The following ARHGAP40 variants were observed in gnomAD, a reference collection of about 807,000 sequenced individuals.
ARHGAP40 encodes the protein rho GTPase-activating protein 40.
In ARHGAP40, 43 loss-of-function variants were observed where a neutral mutation model predicts 73.5. That is an observed-to-expected ratio of 0.58 (90% CI 0.46 to 0.75). The LOEUF is 0.75. ARHGAP40 is among the 30% of genes least tolerant of loss of function. The pLI is 0.00. For missense variants in ARHGAP40, 734 were observed against 861.8 expected (o/e 0.85, Z 1.86); for synonymous variants, 300 against 352.8 (o/e 0.85, Z 1.68).
chr20:38,650,536 T>C, exon 15 of ARHGAP40: 1 of 466,310 alleles, frequency 2.1e-6, no homozygotes, highest in Non-Finnish European at 4.5e-6. Context: ...AGAGGAAGAC[T>C]TTGCTTCACA....
At chr20:38,601,943 A>G (rs574568030) in exon 1 of ARHGAP40, 1 of 1,287,808 alleles carries the variant, frequency 7.8e-7, no homozygotes, top group East Asian at 5.6e-5. Context: ...GTGCCAGCCC[A>G]TGGCCGAGCC....
At chr20:38,647,441 A>G (rs1277405286) in intron 13 of ARHGAP40, among the ~76,000 whole-genome samples, 2 of 152,092 alleles carry the variant, frequency 1.3e-5, no homozygotes, top group African/African-American at 4.8e-5. Context: ...CCCAGGCTGG[A>G]GTGCAGTGGC....
intron 1 of ARHGAP40, chr20:38,615,227 G>C (rs1601135621): frequency 1.3e-6 from 1 of 776,366 alleles, no homozygotes; most frequent in African/African-American, 1.7e-5. Context: ...AGGTAAAAAA[G>C]TTTCTTCCTT....
At chr20:38,630,082 T>TTTTCTTTC (rs1555792070) in intron 5 of ARHGAP40, among the ~76,000 whole-genome samples, 1 of 90,668 alleles carries the variant, frequency 1.1e-5, no homozygotes, top group South Asian at 3.7e-4. Context: ...CTTTCTTTCT[T>TTTTCTTTC]TTTCTTTCTT....
chr20:38,635,365 A>G (rs1282642950), intron 6 of ARHGAP40, among the ~76,000 whole-genome samples: 1 of 151,468 alleles, frequency 6.6e-6, no homozygotes, highest in African/African-American at 2.4e-5. Context: ...TTTTTCACCT[A>G]ATATTATATA....
exon 9 of ARHGAP40, chr20:38,639,238 G>C: frequency 7.7e-7 from 1 of 1,305,478 alleles, no homozygotes; most frequent in Non-Finnish European, 1.0e-6. Flanking sequence ...GGCTGGAACA[G>C]AAACTGGAGA....
intron 1 of ARHGAP40, among the ~76,000 whole-genome samples, chr20:38,618,955 C>T (rs894058594): frequency 6.6e-6 from 1 of 152,182 alleles, no homozygotes; most frequent in Non-Finnish European, 1.5e-5. Context: ...ACGTGATATC[C>T]ACCACAACTA....
At chr20:38,613,494 T>C (rs2088815975) in intron 1 of ARHGAP40, among the ~76,000 whole-genome samples, 1 of 152,194 alleles carries the variant, frequency 6.6e-6, no homozygotes, top group Non-Finnish European at 1.5e-5. Context: ...TTGGGTGTCA[T>C]TGGTCTGGCT....
chr20:38,620,736 C>A (rs1423179427), intron 1 of ARHGAP40, among the ~76,000 whole-genome samples: 1 of 152,190 alleles, frequency 6.6e-6, no homozygotes, highest in East Asian at 1.9e-4. Flanking sequence ...AATGCCGGAG[C>A]CGTTGCCAGG....
exon 15 of ARHGAP40, chr20:38,650,437 CCT>C (rs900351014): frequency 2.1e-6 from 1 of 467,616 alleles, no homozygotes; most frequent in Admixed American, 2.4e-5. Flanking sequence ...AGCCCCTTGC[CCT>C]CTCAGAATCC....
chr20:38,648,039 G>T (rs888354900), intron 13 of ARHGAP40, among the ~76,000 whole-genome samples: 1 of 152,154 alleles, frequency 6.6e-6, no homozygotes, highest in African/African-American at 2.4e-5. Flanking sequence ...GAGACCTCAA[G>T]AGCTTCCTTG....
At chr20:38,629,538 G>A (rs1167658748) in exon 5 of ARHGAP40, 2 of 1,305,440 alleles carry the variant, frequency 1.5e-6, no homozygotes, top group Non-Finnish European at 2.0e-6. Flanking sequence ...CAGGCTGGGA[G>A]GGAAGAAGCC....
At chr20:38,633,122 CA>C (rs55980432) in intron 5 of ARHGAP40, among the ~76,000 whole-genome samples, 32,455 of 135,278 alleles carry the variant, frequency 0.24, 3,872 homozygotes, top group Non-Finnish European at 0.31. Flanking sequence ...GACTCCGTCT[CA>C]AAAAAAAAAA....
intron 1 of ARHGAP40, among the ~76,000 whole-genome samples, chr20:38,615,927 G>A (rs771257239): frequency 6.6e-6 from 1 of 152,186 alleles, no homozygotes; most frequent in Admixed American, 6.5e-5. Context: ...GCTCTGCTGG[G>A]CAGCTCCATT....
intron 1 of ARHGAP40, among the ~76,000 whole-genome samples, chr20:38,619,965 G>A (rs977788187): frequency 2.6e-5 from 4 of 152,112 alleles, no homozygotes; most frequent in Non-Finnish European, 4.4e-5. Context: ...CTAGCTACTT[G>A]GGGGGCTGAG....
intron 2 of ARHGAP40, among the ~76,000 whole-genome samples, chr20:38,626,095 T>C (rs1014564034): frequency 4.6e-5 from 7 of 152,222 alleles, no homozygotes; most frequent in African/African-American, 1.7e-4. Flanking sequence ...GCAACTGCCC[T>C]GGAGGCATCT....
rs2088986389 is a variant in ARHGAP40 at position 38,637,800 on chromosome 20, G to GT, written c.1041+2dup. The GT allele has an allele frequency of 5.4e-6, 7 of 1,304,580 alleles. No individual in the cohort carries two copies. Among genetic ancestry groups the GT allele is most frequent in the African/African-American group, 1.5e-5 (1 of 65,772 alleles). The allele number at this position is 1,304,580 out of a possible 1,614,324, so 80.8% of individuals were successfully genotyped here. On this transcript the variant is annotated splice_donor_variant, in intron 7 of 14. Transcript: ENST00000373345. LOFTEE classifies it high-confidence loss of function. ...ACAGGTCCCGCTGGTCCTTCAAGCC[G>GT]TAAGTCGCCCCTACCCCAGCTTGGG...
rs1428223607 is a variant in ARHGAP40, at chr20:38,648,588, A to T, written c.1881-55A>T. 5.5e-6 allele frequency: 7 copies of T among 1,273,136 alleles called. No individual in the cohort carries two copies. The East Asian group carries it at 3.4e-4, about 61-fold the overall frequency. 78.9% of individuals were successfully genotyped at this position (1,273,136 alleles called of 1,614,324 possible). Reference sequence around the variant, plus strand: ...GGGCCATGCACAGTTGTTGGTCTTGATGTTTCCAGAAGAAAAAGGCAGTAG... The same window carrying T: ...GGGCCATGCACAGTTGTTGGTCTTGTTGTTTCCAGAAGAAAAAGGCAGTAG... On this transcript the variant is annotated intron_variant, in intron 13 of 14. Transcript: ENST00000373345.
intron 3 of ARHGAP40, among the ~76,000 whole-genome samples, chr20:38,627,640 T>TGTGGGGGTGTGTTGGTGTGG (rs2088910338): frequency 7.5e-6 from 1 of 133,970 alleles, no homozygotes; most frequent in Non-Finnish European, 1.6e-5. Context: ...TTGGGGTGTG[T>TGTGGGGGTGTGTTGGTGTGG]GTGGGGTGTG....
Sources: allele counts gnomAD v4.1 joint callset (sites outside exome capture counted in the v4.1 genomes callset), GRCh38; gene constraint gnomAD v4.1.1; transcripts MANE v1.5; gene names NCBI Gene and HGNC (gene_info 2026-07-23, HGNC 2026-07-21).